The following PCDHGA5 variants were observed in gnomAD, a reference collection of about 807,000 sequenced individuals.
The protein encoded by PCDHGA5 is protocadherin gamma-A5.
In PCDHGA5, 36 loss-of-function variants were observed where a neutral mutation model predicts 56.7. The observed-to-expected ratio is 0.64, with a 90% CI of 0.49 to 0.84. PCDHGA5 has a LOEUF of 0.84. Ranked by LOEUF, PCDHGA5 falls within the 40% of genes least tolerant of loss-of-function variation. PCDHGA5 has a pLI of 0.00. For missense variants in PCDHGA5, 1,305 were observed against 1,201.5 expected, an observed-to-expected ratio of 1.09 and a Z score of -1.27; for synonymous variants, 563 against 520.2, an observed-to-expected ratio of 1.08 and a Z score of -1.12.
At chr5:141,474,745 C>T (rs935430941) in intron 1 of PCDHGA5, among the ~76,000 whole-genome samples, 2 of 152,174 alleles carry the variant, frequency 1.3e-5, no homozygotes, top group East Asian at 3.9e-4. Context: ...AAGTGATGTC[C>T]AAGACAAATA....
intron 1 of PCDHGA5, chr5:141,377,007 T>G (rs985572001): frequency 6.4e-6 from 1 of 155,470 alleles, no homozygotes; most frequent in Non-Finnish European, 1.4e-5. Context: ...TTTTTATTGG[T>G]TGACAGGAAA....
At chr5:141,440,954 G>A (rs908507291) in intron 1 of PCDHGA5, 9 of 152,184 alleles carry the variant, frequency 5.9e-5, no homozygotes, top group Non-Finnish European at 1.0e-4. Flanking sequence ...GAGTGTCAAG[G>A]CAGAGATCAC....
chr5:141,423,609 A>G lies in PCDHGA5; in HGVS notation c.2421+56858A>G, dbSNP rs748925693. The G allele has an allele frequency of 5.0e-6, 8 of 1,611,572 alleles. No homozygotes were observed. The South Asian group carries it at 7.7e-5, about 16-fold the overall frequency. ...GTGAGAAAAGCGAGCCACTCTTGAT[A>G]GCTGAAGACTCAGCTATCATTTTAG... On this transcript the variant is annotated intron_variant, in intron 1 of 3. Transcript: ENST00000518069.
At chr5:141,497,203 G>C (rs750138875) in intron 2 of PCDHGA5, among the ~76,000 whole-genome samples, 3 of 91,718 alleles carry the variant, frequency 3.3e-5, no homozygotes, top group African/African-American at 2.8e-4. Flanking sequence ...AACAATGTGA[G>C]TGTAATGGGG....
chr5:141,418,862 G>C (rs749632113), intron 1 of PCDHGA5: 1 of 1,613,994 alleles, frequency 6.2e-7, no homozygotes, highest in Non-Finnish European at 8.5e-7. Context: ...TAAAGTAATT[G>C]TAGAAGTTGT....
At chr5:141,418,855 A>C in intron 1 of PCDHGA5, 1 of 1,614,042 alleles carries the variant, frequency 6.2e-7, no homozygotes, top group Non-Finnish European at 8.5e-7. Context: ...CACGGTGTAA[A>C]GTAATTGTAG....
Position 141,486,885 on chromosome 5 carries a change from G to A in PCDHGA5, c.2422-7922G>A, listed in dbSNP as rs139638334. On this transcript the variant is annotated intron_variant, in intron 1 of 3. Transcript: ENST00000518069. The surrounding 1 kb of genome is among the most constrained non-coding windows in gnomAD (Gnocchi z 5.0). ...CCAGCTGTGCTCCGTCCTCGGGCCC[G>A]GCCTGGTTCCTTATGTCCCCAAGCA... is the stretch of plus-strand genomic sequence containing the variant. 16 of 1,614,076 alleles carry A rather than the reference G, an allele frequency of 9.9e-6. No individual in the cohort carries two copies. The highest frequency in any genetic ancestry group is 1.6e-4 in the Middle Eastern group (1 of 6,084).
In PCDHGA5 at chr5:141,432,039, G is replaced by A; in HGVS notation, c.2422-62768G>A. 1 of 1,614,176 alleles carries A rather than the reference G, an allele frequency of 6.2e-7. No individual in the cohort carries two copies. The highest frequency in any genetic ancestry group is 8.5e-7 in the Non-Finnish European group (1 of 1,180,028). ...AACATCACAGTGACCGCCACTGACC[G>A]GGGAACCCCGCCCCTATCCACGGAA... On this transcript the variant is annotated intron_variant, in intron 1 of 3. Coordinates refer to ENST00000518069, the MANE Select transcript of PCDHGA5 (RefSeq NM_018918.3). This position sits in a 1 kb window ranked among gnomAD's most constrained non-coding sequence, Gnocchi z 6.0.
intron 1 of PCDHGA5, among the ~76,000 whole-genome samples, chr5:141,467,954 C>T (rs1467826790): frequency 1.3e-5 from 2 of 152,070 alleles, no homozygotes; most frequent in Admixed American, 6.6e-5. Flanking sequence ...CCACCACACC[C>T]GGCTGCCAGA....
At chr5:141,501,718 A>G (rs914077060) in intron 2 of PCDHGA5, among the ~76,000 whole-genome samples, 1 of 152,152 alleles carries the variant, frequency 6.6e-6, no homozygotes, top group Non-Finnish European at 1.5e-5. Flanking sequence ...AAAAAGACAA[A>G]TATATTACCC....
chr5:141,413,812 C>G (rs761118146), intron 1 of PCDHGA5: 3 of 1,613,144 alleles, frequency 1.9e-6, no homozygotes, highest in Non-Finnish European at 1.7e-6. Context: ...GGCCATTCAC[C>G]ACCTGGTCCT....
At chr5:141,420,453 C>A (rs1026053173) in intron 1 of PCDHGA5, 76 of 977,580 alleles carry the variant, frequency 7.8e-5, no homozygotes, top group Non-Finnish European at 8.8e-5. Context: ...AGTCTTCCTA[C>A]TATTCAAAGA....
chr5:141,505,779 T>G (rs1420143439), intron 3 of PCDHGA5, among the ~76,000 whole-genome samples: 1 of 139,496 alleles, frequency 7.2e-6, no homozygotes, highest in Non-Finnish European at 1.6e-5. Flanking sequence ...GTCCTAGCTC[T>G]GCTACTATCC....
chr5:141,402,937 C>A, intron 1 of PCDHGA5: 2 of 1,588,498 alleles, frequency 1.3e-6, no homozygotes, highest in Non-Finnish European at 1.7e-6. Flanking sequence ...TGAGAAAATT[C>A]CAAAGCGAGG....
intron 1 of PCDHGA5, chr5:141,383,406 T>C (rs780989648): frequency 6.2e-7 from 1 of 1,613,748 alleles, no homozygotes; most frequent in Admixed American, 1.7e-5. Context: ...CCCTCCAGAG[T>C]TACCAGCTCA....
Position 141,489,601 on chromosome 5 carries a change from G to A in PCDHGA5, c.2422-5206G>A. On this transcript the variant is annotated intron_variant, in intron 1 of 3. Transcript: ENST00000518069. This position sits in a 1 kb window ranked among gnomAD's most constrained non-coding sequence, Gnocchi z 4.5. ...CCCCCTGGAGCTAATCCGTGTAGAG[G>A]TAGAGATCCTGGATCTCAATGACAA... 2 of 1,614,042 alleles carry A rather than the reference G, an allele frequency of 1.2e-6. No individual in the cohort carries two copies. Among genetic ancestry groups the A allele is most frequent in the East Asian group, 4.5e-5 (2 of 44,882 alleles).
chr5:141,365,292 C>T lies in PCDHGA5; in HGVS notation c.962C>T (p.Ala321Val). The T allele has an allele frequency of 6.2e-7, 1 of 1,614,002 alleles. No homozygotes were observed. Among genetic ancestry groups the T allele is most frequent in the Non-Finnish European group, 8.5e-7 (1 of 1,179,900 alleles). ...ESRFYLMEVV[A>V]QDGGALVASA... The stretch of plus-strand genomic sequence containing the variant: ...AGATTCTACCTCATGGAAGTGGTAG[C>T]TCAGGATGGAGGCGCTCTTGTTGCC... Residue 321 changes from alanine to valine, a missense_variant, in exon 1 of 4, where the codon GCT becomes GTT. Transcript: ENST00000518069.
chr5:141,432,506 G>A lies in PCDHGA5; in HGVS notation c.2422-62301G>A. 3 of 1,614,140 alleles carry A rather than the reference G, an allele frequency of 1.9e-6. No homozygotes were observed. Among genetic ancestry groups the A allele is most frequent in the Non-Finnish European group, 2.5e-6 (3 of 1,180,036 alleles). On this transcript the variant is annotated intron_variant, in intron 1 of 3. Transcript: ENST00000518069. This position sits in a 1 kb window ranked among gnomAD's most constrained non-coding sequence, Gnocchi z 6.0. ...CGTGGAGCTGGCTCCCCGCTCCGCA[G>A]AGCCCGGCTACCTGGTGACCAAGGT... is the stretch of plus-strand genomic sequence containing the variant.
rs747633858 is a variant in PCDHGA5, at chr5:141,491,133, C to T, written c.2422-3674C>T. 6.2e-6 allele frequency: 10 copies of T among 1,614,158 alleles called. No homozygotes were observed. In the South Asian group the frequency reaches 9.9e-5, roughly 16 times the overall value. The stretch of plus-strand genomic sequence containing the variant: ...CACACACTGGTGAGGTGCGCACAGC[C>T]CGGGCCTTACTGGAGGATGACTCTG... On this transcript the variant is annotated intron_variant, in intron 1 of 3. Transcript: ENST00000518069. The surrounding 1 kb of genome is among the most constrained non-coding windows in gnomAD (Gnocchi z 6.9).
Sources: allele counts gnomAD v4.1 joint callset (sites outside exome capture counted in the v4.1 genomes callset), GRCh38; gene constraint gnomAD v4.1.1; non-coding constraint Gnocchi (gnomAD v3.1); transcripts MANE v1.5; gene names NCBI Gene and HGNC (gene_info 2026-07-23, HGNC 2026-07-21).